ZC3H14: variants seen among roughly 807,000 people sequenced by gnomAD.
ZC3H14 encodes the protein zinc finger CCCH-type containing 14, also known as zinc finger CCCH domain-containing protein 14.
In ZC3H14, 31 loss-of-function variants were observed where a neutral mutation model predicts 92.4. The ratio of observed to expected loss-of-function variants is 0.34; its 90% CI spans 0.25 to 0.45. The LOEUF (loss-of-function observed/expected upper bound fraction) is 0.45, where lower values mean the gene tolerates loss of function less well. ZC3H14 is among the 20% of genes least tolerant of loss of function. The pLI is 1.00. For missense variants in ZC3H14, 781 were observed against 897.3 expected, an observed-to-expected ratio of 0.87 and a Z score of 1.66; for synonymous variants, 321 against 300.9, an observed-to-expected ratio of 1.07 and a Z score of -0.69.
chr14:88,604,045 AAGC>A (rs1714525939), intron 12 of ZC3H14, among the ~76,000 whole-genome samples: 1 of 152,172 alleles, frequency 6.6e-6, no homozygotes, highest in Non-Finnish European at 1.5e-5. Context: ...AAAATAGTAA[AAGC>A]TGCAGTAGGC....
At chr14:88,595,130 A>T (rs149110422) in intron 9 of ZC3H14, 3 of 1,604,176 alleles carry the variant, frequency 1.9e-6, no homozygotes, top group East Asian at 2.2e-5. Context: ...TTAATATATG[A>T]TATGTTCTAG....
chr14:88,592,490 C>CTT (rs1566945839), intron 9 of ZC3H14: 1 of 115,984 alleles, frequency 8.6e-6, no homozygotes. Flanking sequence ...TATAAGGATT[C>CTT]CTTTTTTTTT....
chr14:88,607,658 C>G (rs577938740), intron 13 of ZC3H14, among the ~76,000 whole-genome samples: 42 of 139,426 alleles, frequency 3.0e-4, no homozygotes, highest in African/African-American at 1.1e-3. Context: ...GCATTTCACC[C>G]TGCAAGTACC....
At position 88,624,920 on chromosome 14, in the gene ZC3H14, C is replaced by G. The variant is rs1353354016; in HGVS notation, c.*13169C>G. The G allele has an allele frequency of 6.3e-7, 1 of 1,597,618 alleles. No homozygotes were observed. Among genetic ancestry groups the G allele is most frequent in the Admixed American group, 1.7e-5 (1 of 58,418 alleles). ...AACTAGAATAATTAACTGCAAACCT[C>G]AGGTAGGTCACAAATGCATAAATAT... On this transcript the variant is annotated 3_prime_UTR_variant, in exon 17 of 17. Coordinates refer to ENST00000251038, the MANE Select transcript of ZC3H14 (RefSeq NM_024824.5).
Position 88,571,109 on chromosome 14 carries a change from C to A in ZC3H14, c.220C>A (p.Arg74Ser). Residue 74 changes from arginine to serine, a missense_variant, in exon 4 of 17, where the codon CGC (arginine) becomes AGC (serine). Physicochemically the swap from Arg to Ser is moderately radical, Grantham distance 110. Around this residue, in one of 3 missense-constraint regions of ZC3H14, gnomAD observed 106 missense variants for 154.2 expected, o/e 0.69. Coordinates refer to ENST00000251038, the MANE Select transcript of ZC3H14 (RefSeq NM_024824.5). ...GCTTCATGGTGTATTAGATAAACTT[C>A]GCTCTGTTACAACTGGTAAGATTCA... is the stretch of plus-strand genomic sequence containing the variant. ...VWLHGVLDKL[R>S]SVTTEPSSLK... The A allele has an allele frequency of 6.3e-7, 1 of 1,579,826 alleles. No homozygotes were observed. Among genetic ancestry groups the A allele is most frequent in the Non-Finnish European group, 8.6e-7 (1 of 1,162,090 alleles).
rs1426814941 is a variant in ZC3H14, at chr14:88,603,042, A to C, written c.1729A>C (p.Asn577His). The stretch of plus-strand genomic sequence containing the variant: ...GCTGAGCAGGCAGCTTGAGGACCCA[A>C]ATGGTAGCTTTTCTAACGGTGTGTT... The part of the protein sequence containing the change: ...HLLSRQLEDP[N>H]GSFSNAEMSE... Residue 577 changes from asparagine (N) to histidine (H), a missense_variant, in exon 12 of 17, where the codon AAT becomes CAT. Asn to His is a moderately conservative substitution (Grantham distance 68). This residue lies in a region of ZC3H14 where 221 missense variants were observed against 304.7 expected (regional missense o/e 0.73). Transcript: ENST00000251038. 3 of 1,614,174 alleles carry C rather than the reference A, an allele frequency of 1.9e-6. No homozygotes were observed. The highest frequency in any genetic ancestry group is 2.5e-6 in the Non-Finnish European group (3 of 1,180,014).
chr14:88,573,973 T>C (rs12431517), intron 6 of ZC3H14, among the ~76,000 whole-genome samples: 134,369 of 152,200 alleles, frequency 0.88, 60,008 homozygotes, highest in Non-Finnish European at 0.94. Flanking sequence ...CCAGATTTTC[T>C]TCCCCATGGC....
Position 88,620,961 on chromosome 14 carries a change from G to A in ZC3H14, c.*9210G>A. 1 of 1,460,996 alleles carries A rather than the reference G, an allele frequency of 6.8e-7. No individual in the cohort carries two copies. The highest frequency in any genetic ancestry group is 9.0e-7 in the Non-Finnish European group (1 of 1,105,590). The allele number at this position is 1,460,996 out of a possible 1,614,324, so 90.5% of individuals were successfully genotyped here. A position where few individuals can be genotyped will look rare whatever the true frequency, so the allele number is the denominator to read the frequency against. On this transcript the variant is annotated 3_prime_UTR_variant, in exon 17 of 17. Coordinates refer to ENST00000251038, the MANE Select transcript of ZC3H14 (RefSeq NM_024824.5). This position sits in a 1 kb window ranked among gnomAD's most constrained non-coding sequence, Gnocchi z 4.3. ...AAAAAAAAAAAAAAAAGAGTCATAG[G>A]AAACATTAAGTGAAGTACTTCTAAA...
Position 88,627,257 on chromosome 14 carries a change from T to C in ZC3H14, c.*15506T>C. The C allele has an allele frequency of 3.4e-6, 2 of 580,250 alleles. No homozygotes were observed. Among genetic ancestry groups the C allele is most frequent in the South Asian group, 4.4e-5 (2 of 45,098 alleles). 35.9% of individuals were successfully genotyped at this position (580,250 alleles called of 1,614,324 possible). ...TTCGCTCCATTAACTTTTCTTTATA[T>C]AACGTAAATGTTTTGTCTAAAGTGT... On this transcript the variant is annotated 3_prime_UTR_variant, in exon 17 of 17. Transcript: ENST00000251038.
At chr14:88,574,445 A>G in intron 6 of ZC3H14, 1 of 423,988 alleles carries the variant, frequency 2.4e-6, no homozygotes, top group East Asian at 5.2e-5. Context: ...GGGTTTCACC[A>G]TATTGGCCAG....
rs1186043298 is a variant in ZC3H14 at position 88,626,303 on chromosome 14, T to C, written c.*14552T>C. On this transcript the variant is annotated 3_prime_UTR_variant, in exon 17 of 17. Transcript: ENST00000251038. ...TAGAAGATTAAGGAAGGCTTTTGAG[T>C]ATAACAGTAGTCCAAGGAATCAAAT... 6.5e-6 allele frequency: 1 copy of C among 153,112 alleles called. No homozygotes were observed. Among genetic ancestry groups the C allele is most frequent in the African/African-American group, 2.4e-5 (1 of 41,432 alleles). 9.5% of individuals were successfully genotyped at this position (153,112 alleles called of 1,614,324 possible).
Position 88,623,647 on chromosome 14 carries a change from C to T in ZC3H14, c.*11896C>T, listed in dbSNP as rs964832670. ...CAGGCTGATCCCAAACTCCTGACCTCGTGATCCGCCCACCTCGGCCTCCCA... is the reference window on the plus strand; with the variant it reads ...CAGGCTGATCCCAAACTCCTGACCTTGTGATCCGCCCACCTCGGCCTCCCA... On this transcript the variant is annotated 3_prime_UTR_variant, in exon 17 of 17. Coordinates refer to ENST00000251038, the MANE Select transcript of ZC3H14 (RefSeq NM_024824.5). 6.6e-6 allele frequency: 1 copy of T among 151,300 alleles called. No homozygotes were observed. Among genetic ancestry groups the T allele is most frequent in the Non-Finnish European group, 1.5e-5 (1 of 67,816 alleles). 9.4% of individuals were successfully genotyped at this position (151,300 alleles called of 1,614,324 possible).
rs1183756377 is a variant in ZC3H14 at position 88,613,488 on chromosome 14, A to ATAAT, written c.*1738_*1741dup. Reference sequence around the variant, plus strand: ...TTTAGTTCAGCCATTTTACAAGGAAATAATAAAATACTAAAATCTGATTGT... The same window carrying ATAAT: ...TTTAGTTCAGCCATTTTACAAGGAAATAATTAATAAAATACTAAAATCTGATTGT... On this transcript the variant is annotated 3_prime_UTR_variant, in exon 17 of 17. Transcript: ENST00000251038. 6 of 152,336 alleles carry ATAAT rather than the reference A, an allele frequency of 3.9e-5. No individual in the cohort carries two copies. Among genetic ancestry groups the ATAAT allele is most frequent in the African/African-American group, 1.4e-4 (6 of 41,586 alleles). 9.4% of individuals were successfully genotyped at this position (152,336 alleles called of 1,614,324 possible). A position where few individuals can be genotyped will look rare whatever the true frequency, so the allele number is the denominator to read the frequency against.
rs1296769854 is a variant in ZC3H14, at chr14:88,609,158, G to T, written c.1869-109G>T. On this transcript the variant is annotated intron_variant, in intron 13 of 16. Coordinates refer to ENST00000251038, the MANE Select transcript of ZC3H14 (RefSeq NM_024824.5). ...TATTCTTTTTGTTGCTGTTTTTTTT[G>T]CATTTCTCAAAACAAGTAGTGATGG... The T allele has an allele frequency of 3.9e-6, 5 of 1,295,924 alleles. No homozygotes were observed. The Admixed American group carries it at 6.5e-5, about 17-fold the overall frequency. 80.3% of individuals were successfully genotyped at this position (1,295,924 alleles called of 1,614,324 possible). A position where few individuals can be genotyped will look rare whatever the true frequency, so the allele number is the denominator to read the frequency against.
intron 12 of ZC3H14, among the ~76,000 whole-genome samples, chr14:88,604,741 T>C (rs778144885): frequency 6.6e-6 from 1 of 152,006 alleles, no homozygotes. Flanking sequence ...ATTACAGGCA[T>C]GCACCATCAC....
In ZC3H14 at chr14:88,625,943, T is replaced by A. The variant is rs965602198; in HGVS notation, c.*14192T>A. The A allele has an allele frequency of 2.0e-5, 3 of 152,148 alleles. No individual in the cohort carries two copies. The highest frequency in any genetic ancestry group is 7.2e-5 in the African/African-American group (3 of 41,436). The allele number at this position is 152,148 out of a possible 1,614,324, so 9.4% of individuals were successfully genotyped here. A position where few individuals can be genotyped will look rare whatever the true frequency, so the allele number is the denominator to read the frequency against. ...AATGCAGGATATTAAAGGAAAGAGA[T>A]GTGGATTGGAAGCCACAGGTCCAGA... is the stretch of plus-strand genomic sequence containing the variant. On this transcript the variant is annotated 3_prime_UTR_variant, in exon 17 of 17. Coordinates refer to ENST00000251038, the MANE Select transcript of ZC3H14 (RefSeq NM_024824.5).
intron 8 of ZC3H14, 72 bp downstream of exon 8, chr14:88,576,012 C>A: frequency 7.6e-7 from 1 of 1,312,208 alleles, no homozygotes; most frequent in Non-Finnish European, 1.1e-6. Flanking sequence ...AAAATGATTG[C>A]TCCTTAAATT....
At position 88,618,551 on chromosome 14, in the gene ZC3H14, G is replaced by A; in HGVS notation, c.*6800G>A. Reference sequence around the variant, plus strand: ...AAGGTACAAAGGGAGGAGTTGAGAAGCTGGAGCTCTGGAGCTCAGGAACTT... The same window carrying A: ...AAGGTACAAAGGGAGGAGTTGAGAAACTGGAGCTCTGGAGCTCAGGAACTT... On this transcript the variant is annotated 3_prime_UTR_variant, in exon 17 of 17. Coordinates refer to ENST00000251038, the MANE Select transcript of ZC3H14 (RefSeq NM_024824.5). The A allele has an allele frequency of 7.3e-7, 1 of 1,375,684 alleles. No individual in the cohort carries two copies. Among genetic ancestry groups the A allele is most frequent in the South Asian group, 1.5e-5 (1 of 66,986 alleles). The allele number at this position is 1,375,684 out of a possible 1,614,324, so 85.2% of individuals were successfully genotyped here. A position where few individuals can be genotyped will look rare whatever the true frequency, so the allele number is the denominator to read the frequency against.
chr14:88,580,182 A>G (rs1053057056), intron 9 of ZC3H14, among the ~76,000 whole-genome samples: 1 of 151,514 alleles, frequency 6.6e-6, no homozygotes, highest in African/African-American at 2.4e-5. Context: ...AGCCACGATC[A>G]TACCATTGCC....
Sources: gnomAD v4.1 joint callset for allele counts (sites outside exome capture counted in the v4.1 genomes callset) on GRCh38, gnomAD v4.1.1 for gene constraint, gnomAD v4.1.1 regional missense constraint, Gnocchi (gnomAD v3.1) non-coding constraint, MANE v1.5 for transcripts, NCBI Gene and HGNC (gene_info 2026-07-23, HGNC 2026-07-21) for gene names.